Variants in SP4 observed in about 807,000 individuals in gnomAD.
The protein encoded by SP4 is Sp4 transcription factor, also known as transcription factor Sp4.
A neutral mutation model predicts 72.8 loss-of-function variants in SP4; 19 were observed. The ratio of observed to expected loss-of-function variants is 0.26; its 90% confidence interval spans 0.18 to 0.38. The LOEUF (loss-of-function observed/expected upper bound fraction) is 0.38. Ranked by LOEUF, SP4 falls within the 10% of genes least tolerant of loss-of-function variation. SP4 has a pLI of 1.00. For missense variants in SP4, 1,008 were observed against 926.3 expected, an observed-to-expected ratio of 1.09 and a Z score of -1.14; for synonymous variants, 395 against 333.1, an observed-to-expected ratio of 1.19 and a Z score of -2.02.
Position 21,430,393 on chromosome 7 carries a change from C to G in SP4, c.1228C>G (p.Gln410Glu). Residue 410 changes from glutamine (Q) to glutamate (E), a missense_variant, in exon 3 of 6, where the codon CAA becomes GAA. Around this residue, in one of 3 missense-constraint regions of SP4, gnomAD observed 893 missense variants for 743.3 expected, o/e 1.20. Coordinates refer to ENST00000222584, the MANE Select transcript of SP4 (RefSeq NM_003112.5). ...GQPILQQIQI[Q>E]QPQQQIIQAI... is the part of the protein sequence containing the mutation. ...ACCTATCTTACAGCAGATCCAGATC[C>G]AACAGCCTCAGCAACAGATCATTCA... The G allele has an allele frequency of 6.2e-7, 1 of 1,614,150 alleles. No individual in the cohort carries two copies. The highest frequency in any genetic ancestry group is 8.5e-7 in the Non-Finnish European group (1 of 1,180,020).
chr7:21,471,221 C>CACCACGCCTGGCCTGAAAGAAACCCTT lies in SP4; in HGVS notation c.1679-5858_1679-5857insACCACGCCTGGCCTGAAAGAAACCCTT. 4 of 459,652 alleles carry CACCACGCCTGGCCTGAAAGAAACCCTT rather than the reference C, an allele frequency of 8.7e-6. No homozygotes were observed. In the Admixed American group the frequency reaches 9.8e-5, roughly 11 times the overall value. 28.5% of individuals were successfully genotyped at this position (459,652 alleles called of 1,614,324 possible). The stretch of plus-strand genomic sequence containing the variant: ...ATGTACTATGCTAAGAAATACTGAC[C>CACCACGCCTGGCCTGAAAGAAACCCTT]TTATTGTGAATGTATGGAGGGCCCA... On this transcript the variant is annotated intron_variant, in intron 3 of 5. Transcript: ENST00000222584.
At chr7:21,502,106 T>G (rs1583448347) in intron 5 of SP4, among the ~76,000 whole-genome samples, 1 of 130,540 alleles carries the variant, frequency 7.7e-6, no homozygotes, top group African/African-American at 2.9e-5. Flanking sequence ...ACGTCAAATC[T>G]CTCCGGTTTT....
At chr7:21,457,253 C>T (rs1023328770) in intron 3 of SP4, among the ~76,000 whole-genome samples, 1 of 152,122 alleles carries the variant, frequency 6.6e-6, no homozygotes, top group Non-Finnish European at 1.5e-5. Context: ...CTTGCCAACT[C>T]TTATACTTGG....
chr7:21,455,426 T>G (rs1282925054), intron 3 of SP4, among the ~76,000 whole-genome samples: 3 of 152,136 alleles, frequency 2.0e-5, no homozygotes, highest in Admixed American at 2.0e-4. Flanking sequence ...TCCTGGGGTA[T>G]GGAAACATGA....
chr7:21,456,273 C>G (rs1054652170), intron 3 of SP4, among the ~76,000 whole-genome samples: 2 of 152,200 alleles, frequency 1.3e-5, no homozygotes, highest in African/African-American at 4.8e-5. Flanking sequence ...GAGTGAAGCC[C>G]TATGCAGGCA....
intron 5 of SP4, among the ~76,000 whole-genome samples, chr7:21,507,712 C>G (rs917188517): frequency 6.6e-6 from 1 of 152,084 alleles, no homozygotes; most frequent in Admixed American, 6.5e-5. Flanking sequence ...CAGAGGGAGT[C>G]TCTTTGGCTC....
chr7:21,466,852 G>C (rs1376144549), intron 3 of SP4, among the ~76,000 whole-genome samples: 1 of 151,548 alleles, frequency 6.6e-6, no homozygotes, highest in East Asian at 1.9e-4. Context: ...TGTCAAAACT[G>C]TCACAGCCTA....
intron 5 of SP4, among the ~76,000 whole-genome samples, chr7:21,510,680 T>C (rs1782118783): frequency 6.6e-6 from 1 of 151,998 alleles, no homozygotes; most frequent in Non-Finnish European, 1.5e-5. Context: ...GAACATTATA[T>C]ATATTTGTTA....
chr7:21,465,026 C>G (rs1784125428), intron 3 of SP4, among the ~76,000 whole-genome samples: 1 of 152,064 alleles, frequency 6.6e-6, no homozygotes, highest in African/African-American at 2.4e-5. Context: ...TTAAATATGG[C>G]AAATTCTGTT....
intron 3 of SP4, among the ~76,000 whole-genome samples, chr7:21,443,119 A>G (rs879325469): frequency 2.0e-5 from 3 of 152,192 alleles, no homozygotes; most frequent in Non-Finnish European, 2.9e-5. Context: ...GCCTCATGTG[A>G]GTAGAGTCTG....
intron 3 of SP4, among the ~76,000 whole-genome samples, chr7:21,463,586 T>C (rs1279500063): frequency 6.6e-6 from 1 of 152,048 alleles, no homozygotes; most frequent in Non-Finnish European, 1.5e-5. Context: ...GGGAACAAAG[T>C]GAGGATGAAG....
chr7:21,428,807 A>G lies in SP4; in HGVS notation c.123+15A>G. 1 of 1,540,054 alleles carries G rather than the reference A, an allele frequency of 6.5e-7. No individual in the cohort carries two copies. The highest frequency in any genetic ancestry group is 1.2e-5 in the South Asian group (1 of 82,972). On this transcript the variant is annotated intron_variant, in intron 2 of 5. Transcript: ENST00000222584. Reference sequence around the variant, plus strand: ...CAGGCTCCCAGGTAAAAGCAAACAAATTAAAAAAATTCATCACGACACATT... The same window carrying G: ...CAGGCTCCCAGGTAAAAGCAAACAAGTTAAAAAAATTCATCACGACACATT...
chr7:21,430,942 T>A, intron 3 of SP4, 99 bp downstream of exon 3: 1 of 823,870 alleles, frequency 1.2e-6, no homozygotes, highest in Non-Finnish European at 1.9e-6. Context: ...ACCTCTGAAG[T>A]AAACACACAA....
chr7:21,505,382 C>G (rs1583450811), intron 5 of SP4, among the ~76,000 whole-genome samples: 1 of 152,162 alleles, frequency 6.6e-6, no homozygotes, highest in South Asian at 2.1e-4. Context: ...TACCTCGGTC[C>G]TCCTCTCCCC....
chr7:21,466,886 T>C (rs1420905099), intron 3 of SP4, among the ~76,000 whole-genome samples: 2 of 152,192 alleles, frequency 1.3e-5, no homozygotes, highest in Non-Finnish European at 2.9e-5. Flanking sequence ...GTAGCTCTCT[T>C]TTCAAAGGCT....
chr7:21,436,733 G>T (rs1403860840), intron 3 of SP4, among the ~76,000 whole-genome samples: 1 of 152,212 alleles, frequency 6.6e-6, no homozygotes, highest in Non-Finnish European at 1.5e-5. Flanking sequence ...TAGTGAAGGA[G>T]CAAATTGTGG....
chr7:21,469,909 C>T (rs1784281108), intron 3 of SP4, among the ~76,000 whole-genome samples: 2 of 151,916 alleles, frequency 1.3e-5, no homozygotes, highest in African/African-American at 4.8e-5. Context: ...AAACACCTTG[C>T]TGAATGTAGA....
intron 3 of SP4, among the ~76,000 whole-genome samples, chr7:21,435,154 A>T (rs1225337631): frequency 6.6e-6 from 1 of 152,230 alleles, no homozygotes; most frequent in Non-Finnish European, 1.5e-5. Context: ...AACAGAGATC[A>T]TACTGTAGGC....
chr7:21,443,493 G>C (rs1459815862), intron 3 of SP4, among the ~76,000 whole-genome samples: 2 of 152,046 alleles, frequency 1.3e-5, no homozygotes, highest in African/African-American at 2.4e-5. Context: ...CTGTCCCTCT[G>C]ATATTATTAT....
Sources: allele counts gnomAD v4.1 joint callset (sites outside exome capture counted in the v4.1 genomes callset), GRCh38; gene constraint gnomAD v4.1.1; regional missense constraint gnomAD v4.1.1; transcripts MANE v1.5; gene names NCBI Gene and HGNC (gene_info 2026-07-23, HGNC 2026-07-21).